BRDT: variants seen among roughly 807,000 people sequenced by gnomAD.
BRDT encodes the protein bromodomain testis associated.
BRDT carries 77 observed loss-of-function variants against 113.9 expected under a neutral mutation model. The observed-to-expected ratio is 0.68, with a 90% CI of 0.56 to 0.82. BRDT has a LOEUF of 0.82. Among genes scored for constraint, BRDT ranks in the 40% least tolerant of loss-of-function variants. The probability of loss-of-function intolerance (pLI) is 0.00; values close to 1 mark genes in which losing one functional copy is unlikely to be tolerated. For missense variants in BRDT, 1,027 were observed against 1,105.4 expected, an observed-to-expected ratio of 0.93 and a Z score of 1.01; for synonymous variants, 358 against 366.5, an observed-to-expected ratio of 0.98 and a Z score of 0.26.
intron 12 of BRDT, among the ~76,000 whole-genome samples, chr1:91,987,416 C>T (rs1300734437): frequency 6.6e-6 from 1 of 152,132 alleles, no homozygotes; most frequent in Non-Finnish European, 1.5e-5. Flanking sequence ...TCACTGCAAC[C>T]TACGCTTCCT....
At chr1:92,006,522 A>C (rs1687318461) in intron 18 of BRDT, among the ~76,000 whole-genome samples, 1 of 152,120 alleles carries the variant, frequency 6.6e-6, no homozygotes, top group South Asian at 2.1e-4. Flanking sequence ...GCTGGAGTGC[A>C]GTGGTGTGAT....
At chr1:91,964,025 G>T (rs748567002) in intron 2 of BRDT, among the ~76,000 whole-genome samples, 8 of 151,764 alleles carry the variant, frequency 5.3e-5, no homozygotes, top group Admixed American at 1.3e-4. Context: ...GCATGTGCCA[G>T]CACACCTGGC....
intron 4 of BRDT, among the ~76,000 whole-genome samples, chr1:91,971,464 G>C (rs1244216432): frequency 6.6e-6 from 1 of 152,190 alleles, no homozygotes; most frequent in Non-Finnish European, 1.5e-5. Context: ...GTCTTTGTTA[G>C]TCACAGTGGT....
Position 91,976,340 on chromosome 1 carries a change from C to G in BRDT, c.520C>G (p.Gln174Glu), listed in dbSNP as rs765305680. The change falls in exon 5 of 19, where the codon CAG becomes GAG. Residue 174 changes from glutamine (Q) to glutamate (E), a missense_variant. Transcript: ENST00000399546. ...CAGCGCAACAGAAAAAGTATTTAAGCAGCAAGAAATTCCTTCTGTATTTCC... is the reference window on the plus strand; with the variant it reads ...CAGCGCAACAGAAAAAGTATTTAAGGAGCAAGAAATTCCTTCTGTATTTCC... ...SPSATEKVFK[Q>E]QEIPSVFPKT... 1 of 1,612,816 alleles carries G rather than the reference C, an allele frequency of 6.2e-7. No homozygotes were observed. Among genetic ancestry groups the G allele is most frequent in the East Asian group, 2.2e-5 (1 of 44,760 alleles).
intron 1 of BRDT, among the ~76,000 whole-genome samples, chr1:91,959,419 C>CTTTTTTTTTTTTTT: frequency 8.9e-6 from 1 of 112,792 alleles, no homozygotes; most frequent in Non-Finnish European, 1.9e-5. Flanking sequence ...CTTTTTCTTT[C>CTTTTTTTTTTTTTT]TTTTTTTTTT....
At chr1:91,980,345 G>C (rs12138537) in intron 8 of BRDT, among the ~76,000 whole-genome samples, 1 of 151,884 alleles carries the variant, frequency 6.6e-6, no homozygotes, top group Non-Finnish European at 1.5e-5. Flanking sequence ...GGGTGACAGA[G>C]CAAGACCCTG....
At chr1:91,966,504 T>C (rs1683075053) in intron 3 of BRDT, among the ~76,000 whole-genome samples, 1 of 152,194 alleles carries the variant, frequency 6.6e-6, no homozygotes, top group Non-Finnish European at 1.5e-5. Context: ...GTAGCTGGGA[T>C]TATAGGCACA....
intron 1 of BRDT, among the ~76,000 whole-genome samples, chr1:91,959,509 C>T (rs1040819371): frequency 6.7e-6 from 1 of 149,394 alleles, no homozygotes; most frequent in Admixed American, 6.8e-5. Flanking sequence ...GAGACAGGGT[C>T]TTGCTGTGTC....
intron 12 of BRDT, among the ~76,000 whole-genome samples, chr1:91,987,553 G>C (rs961498388): frequency 2.6e-5 from 4 of 151,774 alleles, no homozygotes; most frequent in African/African-American, 9.7e-5. Flanking sequence ...GGCCAGGCTG[G>C]TCTCGAACAC....
In BRDT at chr1:92,014,413, T is replaced by C; in HGVS notation, c.*139T>C. 1.8e-6 allele frequency: 1 copy of C among 565,878 alleles called. No individual in the cohort carries two copies. The allele number at this position is 565,878 out of a possible 1,614,324, so 35.1% of individuals were successfully genotyped here. A position where few individuals can be genotyped will look rare whatever the true frequency, so the allele number is the denominator to read the frequency against. ...CTGCTCTAAAATGATTAAACAGTTTTCACTTACATTTTTAATAGCTATATG... is the reference window on the plus strand; with the variant it reads ...CTGCTCTAAAATGATTAAACAGTTTCCACTTACATTTTTAATAGCTATATG... On this transcript the variant is annotated 3_prime_UTR_variant, in exon 19 of 19. Coordinates refer to ENST00000399546, the MANE Select transcript of BRDT (RefSeq NM_207189.4).
chr1:92,005,417 T>G, intron 18 of BRDT, 118 bp downstream of exon 18: 4 of 899,586 alleles, frequency 4.4e-6, no homozygotes, highest in Non-Finnish European at 6.2e-6. Context: ...TGGACTTACC[T>G]CTTTAGTGAG....
chr1:92,001,865 A>G (rs888064030), intron 15 of BRDT, among the ~76,000 whole-genome samples, 184 bp from the exon 16 acceptor site: 1 of 152,234 alleles, frequency 6.6e-6, no homozygotes, highest in Admixed American at 6.5e-5. Flanking sequence ...GGTAACTTTC[A>G]AATGAGAAAT....
At position 91,970,369 on chromosome 1, in the gene BRDT, C is replaced by T. The variant is rs144697689; in HGVS notation, c.445+2109C>T. The stretch of plus-strand genomic sequence containing the variant: ...GCAGCCTCAAGCTCCTGGGCTTAAA[C>T]GGTCCTCCCACTTTAGCCTCCCAAG... On this transcript the variant is annotated intron_variant, in intron 4 of 18. Coordinates refer to ENST00000399546, the MANE Select transcript of BRDT (RefSeq NM_207189.4). Among the ~76,000 whole-genome samples the T allele has an allele frequency of 6.8e-4, 104 of 152,226 alleles. 1 individual carries two copies. In the East Asian group the frequency reaches 0.012, roughly 17 times the overall value.
intron 1 of BRDT, among the ~76,000 whole-genome samples, chr1:91,960,457 G>C (rs1257108254): frequency 6.6e-6 from 1 of 152,192 alleles, no homozygotes; most frequent in Admixed American, 6.6e-5. Context: ...AGATAAATAT[G>C]ATTTGTCACT....
At chr1:91,951,750 G>A (rs1681110401) in intron 1 of BRDT, among the ~76,000 whole-genome samples, 1 of 152,034 alleles carries the variant, frequency 6.6e-6, no homozygotes, top group African/African-American at 2.4e-5. Flanking sequence ...CTCCAGCCTG[G>A]GCGACAGAGT....
chr1:91,966,358 G>A (rs1179558478), intron 3 of BRDT, among the ~76,000 whole-genome samples: 4 of 152,170 alleles, frequency 2.6e-5, no homozygotes, highest in Admixed American at 2.0e-4. Context: ...ACTCACCAGT[G>A]CCAGCTTATA....
At chr1:91,990,838 C>T (rs919077998) in intron 12 of BRDT, among the ~76,000 whole-genome samples, 1 of 152,148 alleles carries the variant, frequency 6.6e-6, no homozygotes, top group Admixed American at 6.6e-5. Flanking sequence ...CACTCTCTTG[C>T]CCAGCCTGGA....
Position 92,002,113 on chromosome 1 carries a change from G to A in BRDT, c.2352G>A (p.Thr784=), listed in dbSNP as rs1374006867. Residue 784 remains threonine (T), a synonymous_variant, in exon 16 of 19, where the codon ACG becomes ACA. Coordinates refer to ENST00000399546, the MANE Select transcript of BRDT (RefSeq NM_207189.4). ...ATCCATCTGGTGATAGTGACACAAC[G>A]ATGTTAGAATCTGAATGTCAAGCTC... is the stretch of plus-strand genomic sequence containing the variant. The part of the protein sequence containing the change: ...VMHPSGDSDT[T]MLESECQAPV... 11 of 1,613,702 alleles carry A rather than the reference G, an allele frequency of 6.8e-6. No homozygotes were observed. The highest frequency in any genetic ancestry group is 3.3e-5 in the South Asian group (3 of 91,054).
intron 7 of BRDT, among the ~76,000 whole-genome samples, chr1:91,979,011 A>AACC (rs1553189993): frequency 4.6e-5 from 6 of 130,814 alleles, no homozygotes; most frequent in Non-Finnish European, 6.2e-5. Flanking sequence ...AAAAAAAAAA[A>AACC]AACAACAACA....
Sources: allele counts gnomAD v4.1 joint callset (sites outside exome capture counted in the v4.1 genomes callset), GRCh38; gene constraint gnomAD v4.1.1; transcripts MANE v1.5; gene names NCBI Gene and HGNC (gene_info 2026-07-23, HGNC 2026-07-21).